Variants in LMF1 observed in about 807,000 individuals in gnomAD.
LMF1 encodes the protein lipase maturation factor 1.
LMF1 carries 68 observed loss-of-function variants against 60.6 expected under a neutral mutation model. The observed-to-expected ratio is 1.12, with a 90% CI of 0.92 to 1.37. LMF1 has a LOEUF of 1.37. Ranked by LOEUF, LMF1 falls within the 40% of genes most tolerant of loss-of-function variation. The pLI is 0.00. For synonymous variants in LMF1, 418 were observed against 324.7 expected, an observed-to-expected ratio of 1.29 and a Z score of -3.09; for missense variants, 948 against 767.2, an observed-to-expected ratio of 1.24 and a Z score of -2.78.
intron 3 of LMF1, among the ~76,000 whole-genome samples, chr16:925,434 T>A (rs141101764): frequency 1.3e-3 from 191 of 152,292 alleles, no homozygotes; most frequent in East Asian, 8.9e-3. Flanking sequence ...GCCTTTAAAA[T>A]CTATTTTCTG....
At position 927,419 on chromosome 16, in the gene LMF1, C is replaced by T. The variant is rs536109942; in HGVS notation, c.514+6825G>A. Among the ~76,000 whole-genome samples, 31 of 152,302 alleles carry T rather than the reference C, an allele frequency of 2.0e-4. No individual in the cohort carries two copies. The South Asian group carries it at 6.2e-3, about 31-fold the overall frequency. On this transcript the variant is annotated intron_variant, in intron 3 of 10. Coordinates refer to ENST00000262301, the MANE Select transcript of LMF1 (RefSeq NM_022773.4). ...GGATGCTTCTCCCCCAGGGAGGGGCCGTGCAATTAAATCAACACAGGAATG... is the reference window on the plus strand; with the variant it reads ...GGATGCTTCTCCCCCAGGGAGGGGCTGTGCAATTAAATCAACACAGGAATG...
chr16:918,224 C>T (rs1410537135), intron 3 of LMF1, among the ~76,000 whole-genome samples: 1 of 152,212 alleles, frequency 6.6e-6, no homozygotes, highest in Non-Finnish European at 1.5e-5. Flanking sequence ...GTGGGCGCTG[C>T]CGAGAAACAG....
intron 1 of LMF1, chr16:980,476 A>G (rs1185669733): frequency 1.3e-5 from 2 of 152,214 alleles, no homozygotes; most frequent in African/African-American, 4.8e-5. Context: ...CGGGCCGGGG[A>G]GACCGCGTGG....
At chr16:860,409 G>A (rs1481784113) in intron 10 of LMF1, among the ~76,000 whole-genome samples, 3 of 150,136 alleles carry the variant, frequency 2.0e-5, no homozygotes, top group African/African-American at 4.9e-5. Flanking sequence ...GTGTGATCTC[G>A]GCTCACTGCA....
intron 5 of LMF1, among the ~76,000 whole-genome samples, chr16:885,672 T>C (rs942307803): frequency 8.6e-5 from 13 of 152,020 alleles, no homozygotes; most frequent in African/African-American, 3.1e-4. Context: ...CATCAGGAGG[T>C]CAGAAGACTC....
chr16:948,828 G>A (rs1332593468), intron 2 of LMF1, among the ~76,000 whole-genome samples: 3 of 118,390 alleles, frequency 2.5e-5, no homozygotes, highest in African/African-American at 7.6e-5. Context: ...GTCAGCCAAC[G>A]ACAGAGTCAG....
intron 2 of LMF1, among the ~76,000 whole-genome samples, chr16:949,646 T>C (rs374823307): frequency 1.2e-4 from 9 of 73,296 alleles, no homozygotes; most frequent in African/African-American, 1.7e-4. Flanking sequence ...AGTCAGCCAA[T>C]GACAGAGTCA....
rs1266006759 is a variant in LMF1, at chr16:953,047, C to T, written c.503+1310G>A. ...TATCCACACAGACACCCCAAACCAG[C>T]CTCCTACACGTCCACACAGACACCC... is the stretch of plus-strand genomic sequence containing the variant. On this transcript the variant is annotated intron_variant, in intron 2 of 10. Coordinates refer to ENST00000262301, the MANE Select transcript of LMF1 (RefSeq NM_022773.4). 2.0e-4 allele frequency among the ~76,000 whole-genome samples: 12 copies of T among 59,138 alleles called. 1 individual carries two copies. The highest frequency in any genetic ancestry group is 2.9e-4 in the Admixed American group (2 of 6,844). 38.8% of individuals were successfully genotyped at this position (59,138 alleles called of 152,430 possible).
chr16:974,472 T>G (rs567066427), upstream of LMF1, among the ~76,000 whole-genome samples: 2 of 152,190 alleles, frequency 1.3e-5, no homozygotes, highest in South Asian at 4.2e-4. Context: ...GAGATGAGGC[T>G]CGGCCACCCC....
At chr16:954,831 G>A (rs946490680) in intron 1 of LMF1, among the ~76,000 whole-genome samples, 165 bp from the exon 2 acceptor site, 1 of 152,248 alleles carries the variant, frequency 6.6e-6, no homozygotes, top group Non-Finnish European at 1.5e-5. Context: ...ACTTTCTCAA[G>A]ATTTTGGGGG....
chr16:955,075 T>A (rs561127525), intron 1 of LMF1, among the ~76,000 whole-genome samples: 6 of 144,856 alleles, frequency 4.1e-5, no homozygotes, highest in African/African-American at 1.5e-4. Context: ...TTACATAAAA[T>A]GCGTGCCCGC....
intron 7 of LMF1, 99 bp downstream of exon 7, chr16:871,062 C>T: frequency 7.0e-7 from 1 of 1,422,542 alleles, no homozygotes; most frequent in Non-Finnish European, 9.3e-7. Flanking sequence ...TGACTCTCCT[C>T]CTACCCTGGC....
chr16:976,987 C>T (rs890818309), intron 1 of LMF1: 6 of 453,700 alleles, frequency 1.3e-5, no homozygotes, highest in Non-Finnish European at 2.2e-5. Flanking sequence ...GCTCGTCCTC[C>T]GTGGAGGTCG....
At chr16:940,386 C>A (rs17146060) in intron 2 of LMF1, among the ~76,000 whole-genome samples, 9,847 of 152,126 alleles carry the variant, frequency 0.065, 327 homozygotes, top group Non-Finnish European at 0.073. Context: ...CCTAGAAACA[C>A]AGGCTCACCC....
rs1176337970 is a variant in LMF1, at chr16:878,280, C to G, written c.897+1290G>C. Among the ~76,000 whole-genome samples the G allele has an allele frequency of 1.3e-5, 2 of 152,092 alleles. No homozygotes were observed. Among genetic ancestry groups the G allele is most frequent in the Admixed American group, 1.3e-4 (2 of 15,272 alleles). ...TTCCCACTTAGATTCACGGCGACAT[C>G]GATGCCCACAGGGAAATCACCTGAT... On this transcript the variant is annotated intron_variant, in intron 6 of 10. Coordinates refer to ENST00000262301, the MANE Select transcript of LMF1 (RefSeq NM_022773.4). This position sits in a 1 kb window ranked among gnomAD's most constrained non-coding sequence, Gnocchi z 5.2.
chr16:892,019 G>A (rs924170342), intron 5 of LMF1, among the ~76,000 whole-genome samples: 7 of 152,334 alleles, frequency 4.6e-5, no homozygotes, highest in African/African-American at 1.7e-4. Flanking sequence ...CATCTCAAGA[G>A]CCTGAAGAAT....
intron 5 of LMF1, 68 bp downstream of exon 5, chr16:892,939 C>T: frequency 7.8e-7 from 1 of 1,279,982 alleles, no homozygotes; most frequent in Non-Finnish European, 1.1e-6. Flanking sequence ...GGACTGAGCC[C>T]CGCCAAGAGT....
At chr16:953,002 C>A (rs1470451859) in intron 2 of LMF1, among the ~76,000 whole-genome samples, 1 of 48,956 alleles carries the variant, frequency 2.0e-5, no homozygotes, top group East Asian at 5.7e-4. Context: ...CACACAGACA[C>A]CCCAAACCAG....
chr16:938,542 C>T (rs577213313), intron 2 of LMF1, among the ~76,000 whole-genome samples: 2 of 152,334 alleles, frequency 1.3e-5, no homozygotes. Context: ...TGTTTAAGTT[C>T]ATACAACAGA....
Sources: allele counts gnomAD v4.1 joint callset (sites outside exome capture counted in the v4.1 genomes callset), GRCh38; gene constraint gnomAD v4.1.1; non-coding constraint Gnocchi (gnomAD v3.1); transcripts MANE v1.5; gene names NCBI Gene and HGNC (gene_info 2026-07-23, HGNC 2026-07-21).